The following DTNBP1 variants were observed in gnomAD, a reference collection of about 807,000 sequenced individuals.
The protein encoded by DTNBP1 is dysbindin.
A neutral mutation model predicts 42.8 loss-of-function variants in DTNBP1; 35 were observed. The observed-to-expected ratio is 0.82, with a 90% CI of 0.63 to 1.09. DTNBP1 has a LOEUF of 1.09. Ranked by LOEUF, DTNBP1 falls within the 50% of genes least tolerant of loss-of-function variation. The pLI is 0.00. For synonymous variants in DTNBP1, 171 were observed against 162.2 expected, an observed-to-expected ratio of 1.05 and a Z score of -0.41; for missense variants, 457 against 424.2, an observed-to-expected ratio of 1.08 and a Z score of -0.68.
rs535219744 is a variant in DTNBP1 at position 15,556,623 on chromosome 6, C to A, written c.512-23228G>T. Among the ~76,000 whole-genome samples, 204 of 152,298 alleles carry A rather than the reference C, an allele frequency of 1.3e-3. 1 individual carries two copies. The highest frequency in any genetic ancestry group is 3.4e-3 in the Middle Eastern group (1 of 294). On this transcript the variant is annotated intron_variant, in intron 7 of 9. Transcript: ENST00000344537. ...AAGAGCTCATGAAGATGCTGGAGATCAAGATCCCTTTGTGGCTGACAAGCA... is the reference window on the plus strand; with the variant it reads ...AAGAGCTCATGAAGATGCTGGAGATAAAGATCCCTTTGTGGCTGACAAGCA...
Position 15,581,994 on chromosome 6 carries a change from T to C in DTNBP1, c.511+11065A>G, listed in dbSNP as rs200321382. Among the ~76,000 whole-genome samples, 28 of 149,260 alleles carry C rather than the reference T, an allele frequency of 1.9e-4. No individual in the cohort carries two copies. In the East Asian group the frequency reaches 5.1e-3, roughly 27 times the overall value. ...GGGTTCTGCAGCATAAATCAGCATC[T>C]TTTTTTTTTAAACACTGGGTTTTAT... On this transcript the variant is annotated intron_variant, in intron 7 of 9. Coordinates refer to ENST00000344537, the MANE Select transcript of DTNBP1 (RefSeq NM_032122.5).
At chr6:15,584,705 C>CTTTTTTT (rs147548247) in intron 7 of DTNBP1, among the ~76,000 whole-genome samples, 27 of 86,394 alleles carry the variant, frequency 3.1e-4, no homozygotes, top group East Asian at 7.4e-4. Context: ...ACATGTATTT[C>CTTTTTTT]TTTTTTTTTT....
chr6:15,551,110 A>G (rs1430949692), intron 7 of DTNBP1, among the ~76,000 whole-genome samples: 1 of 152,138 alleles, frequency 6.6e-6, no homozygotes, highest in African/African-American at 2.4e-5. Context: ...TCTAAGATTA[A>G]CTGCTCTATA....
chr6:15,623,255 T>C (rs1261165649), intron 5 of DTNBP1, among the ~76,000 whole-genome samples: 1 of 152,230 alleles, frequency 6.6e-6, no homozygotes, highest in Admixed American at 6.5e-5. Flanking sequence ...AATCTCTTTG[T>C]TAGATGCCCT....
intron 3 of DTNBP1, among the ~76,000 whole-genome samples, chr6:15,639,628 A>G (rs1299067587): frequency 6.6e-6 from 1 of 152,232 alleles, no homozygotes; most frequent in Non-Finnish European, 1.5e-5. Flanking sequence ...TCTTGGATGT[A>G]TCAGATTATG....
intron 7 of DTNBP1, among the ~76,000 whole-genome samples, chr6:15,538,095 TG>T (rs1225943189): frequency 2.0e-5 from 3 of 152,156 alleles, no homozygotes; most frequent in Non-Finnish European, 4.4e-5. Context: ...TCCCTAGGCC[TG>T]GGGCTGGGAT....
At chr6:15,655,832 A>G (rs1761247518) in intron 1 of DTNBP1, among the ~76,000 whole-genome samples, 1 of 152,188 alleles carries the variant, frequency 6.6e-6, no homozygotes, top group South Asian at 2.1e-4. Flanking sequence ...CAAAACCCAG[A>G]ATTCACCTGA....
chr6:15,594,422 A>T (rs1203989337), intron 6 of DTNBP1, among the ~76,000 whole-genome samples: 1 of 151,398 alleles, frequency 6.6e-6, no homozygotes, highest in African/African-American at 2.4e-5. Context: ...CCAAGATCGT[A>T]CCACTGCACT....
At chr6:15,584,624 C>G (rs768947618) in intron 7 of DTNBP1, among the ~76,000 whole-genome samples, 3 of 149,964 alleles carry the variant, frequency 2.0e-5, no homozygotes, top group Non-Finnish European at 4.4e-5. Context: ...AGGAACTTTT[C>G]TCTTAAGTTT....
chr6:15,604,410 T>C (rs763448526), intron 6 of DTNBP1, among the ~76,000 whole-genome samples: 14 of 152,154 alleles, frequency 9.2e-5, no homozygotes, highest in Non-Finnish European at 1.6e-4. Flanking sequence ...GAGAAGGTGC[T>C]CTCGATCTTC....
intron 7 of DTNBP1, chr6:15,586,054 CA>C (rs1413363046): frequency 1.5e-5 from 17 of 1,147,770 alleles, no homozygotes; most frequent in Non-Finnish European, 1.3e-5. Flanking sequence ...AAATGCAGCT[CA>C]AAATGGAGGG....
At chr6:15,618,914 T>C (rs1758875854) in intron 5 of DTNBP1, among the ~76,000 whole-genome samples, 6 of 152,216 alleles carry the variant, frequency 3.9e-5, no homozygotes. Flanking sequence ...ATTTAAGTAC[T>C]ATCATTCGCA....
intron 7 of DTNBP1, among the ~76,000 whole-genome samples, chr6:15,559,732 A>G (rs531580697): frequency 2.2e-4 from 34 of 152,330 alleles, no homozygotes; most frequent in Non-Finnish European, 4.1e-4. Flanking sequence ...CTCCATGACA[A>G]CGCCCAACTA....
Position 15,593,877 on chromosome 6 carries a change from A to G in DTNBP1, c.489-796T>C, listed in dbSNP as rs188934117. ...GACATTTATTTTGTACTTGCAGTCC[A>G]GGTTTTACTAAAAATCTAGAGATGT... is the stretch of plus-strand genomic sequence containing the variant. On this transcript the variant is annotated intron_variant, in intron 6 of 9. Transcript: ENST00000344537. Among the ~76,000 whole-genome samples the G allele has an allele frequency of 3.3e-5, 5 of 152,298 alleles. No homozygotes were observed. In the East Asian group the frequency reaches 9.6e-4, roughly 29 times the overall value.
chr6:15,643,180 G>C (rs1760475010), intron 3 of DTNBP1, among the ~76,000 whole-genome samples: 1 of 152,126 alleles, frequency 6.6e-6, no homozygotes, highest in Admixed American at 6.5e-5. Context: ...TAATAGGCTA[G>C]ACAAAGCAGA....
intron 6 of DTNBP1, among the ~76,000 whole-genome samples, chr6:15,601,976 TCTC>T (rs1271553067): frequency 6.6e-6 from 1 of 150,976 alleles, no homozygotes; most frequent in African/African-American, 2.4e-5. Context: ...GTATCAAACC[TCTC>T]CAGTAGCATT....
At chr6:15,571,573 G>A (rs1775341642) in intron 7 of DTNBP1, among the ~76,000 whole-genome samples, 1 of 152,206 alleles carries the variant, frequency 6.6e-6, no homozygotes, top group Non-Finnish European at 1.5e-5. Flanking sequence ...CAGATGCACA[G>A]AATTCCACAG....
chr6:15,617,647 G>A (rs1022917381), intron 5 of DTNBP1, among the ~76,000 whole-genome samples: 9 of 151,602 alleles, frequency 5.9e-5, no homozygotes, highest in African/African-American at 1.9e-4. Context: ...ATCAATAAAC[G>A]ATGCTGGGAT....
At chr6:15,586,091 C>A in intron 7 of DTNBP1, 3 of 1,054,264 alleles carry the variant, frequency 2.8e-6, no homozygotes, top group Non-Finnish European at 3.5e-6. Context: ...ATAACTAAAT[C>A]CAACAGAATT....
Sources: allele counts gnomAD v4.1 joint callset (sites outside exome capture counted in the v4.1 genomes callset), GRCh38; gene constraint gnomAD v4.1.1; transcripts MANE v1.5; gene names NCBI Gene and HGNC (gene_info 2026-07-23, HGNC 2026-07-21).